The following HYDIN variants were observed in gnomAD, a reference collection of about 807,000 sequenced individuals.
The protein encoded by HYDIN is HYDIN axonemal central pair apparatus protein, also known as axonemal central pair apparatus protein HYDIN.
HYDIN carries 132 observed loss-of-function variants against 403.9 expected under a neutral mutation model. That is an observed-to-expected ratio of 0.33 (90% CI 0.28 to 0.38). HYDIN has a LOEUF of 0.38. HYDIN is among the 10% of genes least tolerant of loss of function. HYDIN has a pLI of 1.00. For synonymous variants in HYDIN, 1,202 were observed against 1,891.7 expected (o/e 0.64, Z 9.46); for missense variants, 2,827 against 5,009.5 (o/e 0.56, Z 13.15).
intron 13 of HYDIN, among the ~76,000 whole-genome samples, chr16:71,070,148 TCATC>T (rs2082414777): frequency 6.6e-6 from 1 of 152,170 alleles, no homozygotes; most frequent in Non-Finnish European, 1.5e-5. Flanking sequence ...AGCTGCTTTG[TCATC>T]GTATCCAGCT....
chr16:70,859,958 A>C (rs2039301552), intron 71 of HYDIN, 110 bp downstream of exon 71: 3 of 892,562 alleles, frequency 3.4e-6, no homozygotes, highest in Non-Finnish European at 5.4e-6. Flanking sequence ...GATGCACTAC[A>C]CCCTCAGGCA....
At chr16:71,165,549 G>GGGATTT (rs1439838554) in intron 5 of HYDIN, among the ~76,000 whole-genome samples, 1 of 150,904 alleles carries the variant, frequency 6.6e-6, no homozygotes, top group African/African-American at 2.4e-5. Context: ...CATGTCAAGA[G>GGGATTT]GGATTTGCCC....
At chr16:71,031,438 CA>C (rs1356852160) in intron 19 of HYDIN, 1 of 1,339,410 alleles carries the variant, frequency 7.5e-7, no homozygotes, top group East Asian at 2.9e-5. Context: ...GCATTTCCTA[CA>C]AACCATATTC....
At chr16:71,048,574 G>T (rs896540849) in intron 18 of HYDIN, among the ~76,000 whole-genome samples, 11 of 148,424 alleles carry the variant, frequency 7.4e-5, no homozygotes, top group Admixed American at 2.7e-4. Flanking sequence ...TGATATGCAT[G>T]TGAGTTTCTT....
At position 70,938,753 on chromosome 16, in the gene HYDIN, G is replaced by A. The variant is rs772862944; in HGVS notation, c.6856C>T (p.Arg2286Cys). The A allele has an allele frequency of 2.2e-5, 36 of 1,613,870 alleles. No individual in the cohort carries two copies. Among genetic ancestry groups the A allele is most frequent in the Middle Eastern group, 1.6e-4 (1 of 6,084 alleles). Residue 2286 changes from arginine (R) to cysteine (C), a missense_variant and splice_region_variant, in exon 44 of 86, where the codon CGC becomes TGC. Transcript: ENST00000393567. ...TTCTCAAGAGCTCCCTTGTGCTTGC[G>A]TTCTGTGAGGGGAACAGAGACGGGA... ...QEKAKKEQEE[R>C]KHKGALEKEK...
Position 70,896,075 on chromosome 16 carries a change from T to G in HYDIN, c.9054A>C (p.Leu3018Phe), listed in dbSNP as rs775720458. ...CAACACCAAGAAGATTTTCTGCATC[T>G]AAAACCTGGCAGGGAAAGGGAAAGT... is the stretch of plus-strand genomic sequence containing the variant. ...NIKKAIRLEV[L>F]DAENLLGVVQ... The change falls in exon 54 of 86, where the codon TTA (leucine) becomes TTC (phenylalanine). Residue 3018 changes from leucine to phenylalanine, a missense_variant. Leu to Phe is a conservative substitution (Grantham distance 22). Transcript: ENST00000393567. 2.0e-5 allele frequency: 33 copies of G among 1,613,452 alleles called. No homozygotes were observed. In the African/African-American group the frequency reaches 4.1e-4, roughly 20 times the overall value.
intron 1 of HYDIN, among the ~76,000 whole-genome samples, chr16:71,189,760 C>G (rs1357095544): frequency 8.0e-6 from 1 of 125,122 alleles, no homozygotes; most frequent in Admixed American, 8.6e-5. Flanking sequence ...CAGCAAGACT[C>G]TGCCTCAAAA....
chr16:71,117,486 T>C (rs2144474507), intron 9 of HYDIN, among the ~76,000 whole-genome samples: 1 of 152,282 alleles, frequency 6.6e-6, no homozygotes, highest in African/African-American at 2.4e-5. Flanking sequence ...CTGACTACTA[T>C]GATCGATGTT....
At chr16:71,186,577 G>A (rs1052591285) in intron 2 of HYDIN, among the ~76,000 whole-genome samples, 184 bp downstream of exon 2, 1 of 152,072 alleles carries the variant, frequency 6.6e-6, no homozygotes, top group Non-Finnish European at 1.5e-5. Flanking sequence ...AAGTATGTAT[G>A]CAATTTCAAA....
At chr16:71,033,644 G>C (rs535944812) in intron 18 of HYDIN, among the ~76,000 whole-genome samples, 17 of 152,058 alleles carry the variant, frequency 1.1e-4, no homozygotes, top group African/African-American at 3.4e-4. Flanking sequence ...CGGGGGGCAG[G>C]GGGGAGAGCA....
chr16:71,018,926 G>T (rs1440933081), intron 22 of HYDIN, among the ~76,000 whole-genome samples: 1 of 100,032 alleles, frequency 1.0e-5, no homozygotes, highest in Non-Finnish European at 2.1e-5. Context: ...GGGGGGTGGG[G>T]TTGGGGGTGG....
chr16:71,024,344 T>G, intron 21 of HYDIN, among the ~76,000 whole-genome samples: 1 of 152,158 alleles, frequency 6.6e-6, no homozygotes. Flanking sequence ...TCCCCCTCCC[T>G]TGTCACCAGA....
At chr16:71,062,091 G>A in intron 17 of HYDIN, 78 bp downstream of exon 17, 1 of 1,131,292 alleles carries the variant, frequency 8.8e-7, no homozygotes, top group Non-Finnish European at 1.3e-6. Flanking sequence ...ATATGGTGTG[G>A]GCCTCAAATG....
intron 10 of HYDIN, among the ~76,000 whole-genome samples, chr16:71,104,319 G>A (rs1021837546): frequency 1.3e-5 from 2 of 149,036 alleles, no homozygotes; most frequent in African/African-American, 5.0e-5. Context: ...GTTAACTGAT[G>A]CAGTCCATTC....
At chr16:71,177,597 C>T (rs971106864) in intron 4 of HYDIN, among the ~76,000 whole-genome samples, 1 of 152,206 alleles carries the variant, frequency 6.6e-6, no homozygotes, top group Non-Finnish European at 1.5e-5. Flanking sequence ...AGCTGCTGTA[C>T]CAAATATAAC....
chr16:71,063,950 C>T (rs1326816449), intron 16 of HYDIN, among the ~76,000 whole-genome samples: 6 of 142,180 alleles, frequency 4.2e-5, no homozygotes, highest in East Asian at 3.9e-4. Context: ...TAATTCTCTG[C>T]GGCAGCCTAA....
rs1323845928 is a variant in HYDIN at position 71,064,785 on chromosome 16, A to G, written c.2131T>C (p.Phe711Leu). The part of the protein sequence containing the change: ...VNTEVDFGHC[F>L]LKYPYEKTLQ... ...GTTTTCTCATACGGGTACTTCAGGAAGCAGTGCCCAAAGTCCACCTCTGTA... is the reference window on the plus strand; with the variant it reads ...GTTTTCTCATACGGGTACTTCAGGAGGCAGTGCCCAAAGTCCACCTCTGTA... Residue 711 changes from phenylalanine (F) to leucine (L), a missense_variant, in exon 16 of 86, where the codon TTC becomes CTC. By Grantham distance (22) the Phe-to-Leu change is conservative. Coordinates refer to ENST00000393567, the MANE Select transcript of HYDIN (RefSeq NM_001270974.2). 1 of 1,613,822 alleles carries G rather than the reference A, an allele frequency of 6.2e-7. No homozygotes were observed. Among genetic ancestry groups the G allele is most frequent in the Non-Finnish European group, 8.5e-7 (1 of 1,179,918 alleles).
intron 80 of HYDIN, among the ~76,000 whole-genome samples, chr16:70,832,446 G>T (rs1482273047): frequency 6.6e-6 from 1 of 150,904 alleles, no homozygotes; most frequent in Non-Finnish European, 1.5e-5. Flanking sequence ...AGGGAGATTG[G>T]GTGTCATTTC....
At chr16:70,992,641 A>G (rs1388588502) in intron 23 of HYDIN, among the ~76,000 whole-genome samples, 1 of 149,900 alleles carries the variant, frequency 6.7e-6, no homozygotes, top group Admixed American at 6.7e-5. Context: ...GCTAAGACTC[A>G]GCTGAGGCCT....
Sources: allele counts gnomAD v4.1 joint callset (sites outside exome capture counted in the v4.1 genomes callset), GRCh38; gene constraint gnomAD v4.1.1; transcripts MANE v1.5; gene names NCBI Gene and HGNC (gene_info 2026-07-23, HGNC 2026-07-21).